ATOSA: variants seen among roughly 807,000 people sequenced by gnomAD.
ATOSA encodes the protein atos homolog A, also known as atos homolog protein A.
chr15:52,663,323 A>G, the ATOSA span, among the ~76,000 whole-genome samples: 2 of 152,230 alleles, frequency 1.3e-5, no homozygotes, highest in Admixed American at 6.5e-5. Context: ...ATCATTCCCT[A>G]TGACCTTTGA....
the ATOSA span, among the ~76,000 whole-genome samples, chr15:52,695,019 G>A: frequency 1.3e-5 from 2 of 151,668 alleles, no homozygotes; most frequent in Admixed American, 6.6e-5. Flanking sequence ...CCACCTCCTG[G>A]GTTCAGGCAA....
At chr15:52,706,571 A>G in the ATOSA span, among the ~76,000 whole-genome samples, 65 of 152,208 alleles carry the variant, frequency 4.3e-4, no homozygotes, top group African/African-American at 1.5e-3. Flanking sequence ...AAATGTTCCA[A>G]AAAAGTGATA....
At chr15:52,688,919 G>A in the ATOSA span, among the ~76,000 whole-genome samples, 1 of 152,238 alleles carries the variant, frequency 6.6e-6, no homozygotes, top group South Asian at 2.1e-4. Context: ...ACAGATGGAG[G>A]AAGGTAGCCT....
At chr15:52,637,265 G>T in the ATOSA span, among the ~76,000 whole-genome samples, 6 of 152,092 alleles carry the variant, frequency 3.9e-5, no homozygotes, top group African/African-American at 1.4e-4. Context: ...GAAATCTTCT[G>T]TTCTATGGCA....
At chr15:52,613,910 A>T in the ATOSA span, 1 of 1,450,022 alleles carries the variant, frequency 6.9e-7, no homozygotes, top group Non-Finnish European at 9.6e-7. Context: ...CTTAGTAAGA[A>T]CTCATCTGGT....
the ATOSA span, among the ~76,000 whole-genome samples, chr15:52,698,060 TC>T: frequency 7.8e-6 from 1 of 128,588 alleles, no homozygotes; most frequent in Non-Finnish European, 1.6e-5. Context: ...TACTGCAACC[TC>T]CACCTCCCGG....
At chr15:52,662,927 CAGTA>C in the ATOSA span, among the ~76,000 whole-genome samples, 1 of 151,956 alleles carries the variant, frequency 6.6e-6, no homozygotes, top group Non-Finnish European at 1.5e-5. Flanking sequence ...AATTAGCTAA[CAGTA>C]GATGCATGTT....
the ATOSA span, among the ~76,000 whole-genome samples, chr15:52,623,739 G>A: frequency 4.6e-5 from 7 of 152,094 alleles, no homozygotes; most frequent in East Asian, 1.9e-4. Context: ...TGGTGATGAT[G>A]GAAGATAAGA....
chr15:52,608,775 T>C, the ATOSA span: 1 of 1,606,728 alleles, frequency 6.2e-7, no homozygotes, highest in Non-Finnish European at 8.5e-7. Flanking sequence ...TTTGCTCACA[T>C]GTCTTAGGCC....
the ATOSA span, chr15:52,613,548 C>G: frequency 8.5e-7 from 1 of 1,183,024 alleles, no homozygotes; most frequent in Non-Finnish European, 1.2e-6. Flanking sequence ...TGGATTTTTT[C>G]CCTTTATGAT....
At chr15:52,692,327 C>T in the ATOSA span, among the ~76,000 whole-genome samples, 2 of 152,160 alleles carry the variant, frequency 1.3e-5, no homozygotes, top group Non-Finnish European at 2.9e-5. Context: ...ATTTAATATT[C>T]ATTCCTAGTA....
At chr15:52,655,084 A>G in the ATOSA span, among the ~76,000 whole-genome samples, 4 of 152,168 alleles carry the variant, frequency 2.6e-5, no homozygotes, top group Non-Finnish European at 5.9e-5. Flanking sequence ...CCAAGTAACT[A>G]GAACCAAGTG....
the ATOSA span, among the ~76,000 whole-genome samples, chr15:52,675,630 C>A: frequency 1.3e-5 from 2 of 152,148 alleles, no homozygotes; most frequent in African/African-American, 4.8e-5. Context: ...AGTGTTAGGC[C>A]GGGCGCGGTG....
At chr15:52,682,434 G>A in the ATOSA span, among the ~76,000 whole-genome samples, 1 of 152,262 alleles carries the variant, frequency 6.6e-6, no homozygotes, top group South Asian at 2.1e-4. Context: ...GAGGTTTGAA[G>A]GTAGAAGACA....
the ATOSA span, among the ~76,000 whole-genome samples, chr15:52,696,442 C>T: frequency 6.6e-6 from 1 of 152,180 alleles, no homozygotes; most frequent in Admixed American, 6.5e-5. Flanking sequence ...TTCTTCCAGT[C>T]TATCCTATCA....
the ATOSA span, chr15:52,609,958 C>T: frequency 6.2e-7 from 1 of 1,612,878 alleles, no homozygotes; most frequent in Non-Finnish European, 8.5e-7. Flanking sequence ...ACCACTAAAG[C>T]CTAGAATATT....
the ATOSA span, among the ~76,000 whole-genome samples, chr15:52,620,083 T>G: frequency 6.6e-6 from 1 of 151,990 alleles, no homozygotes; most frequent in Non-Finnish European, 1.5e-5. Context: ...GGTTCTGGAG[T>G]GTAGCAGCTT....
the ATOSA span, among the ~76,000 whole-genome samples, chr15:52,664,499 G>A: frequency 3.9e-5 from 6 of 152,082 alleles, no homozygotes; most frequent in South Asian, 2.1e-4. Context: ...ACAGATTTCC[G>A]GGCAATTAAG....
chr15:52,594,721 CACT>C, the ATOSA span, among the ~76,000 whole-genome samples: 1 of 152,186 alleles, frequency 6.6e-6, no homozygotes, highest in Non-Finnish European at 1.5e-5. Flanking sequence ...TTTCCATCCC[CACT>C]ACTACCACTA....
Sources: gnomAD v4.1 joint callset for allele counts (sites outside exome capture counted in the v4.1 genomes callset) on GRCh38, gnomAD v4.1.1 for gene constraint, MANE v1.5 for transcripts, NCBI Gene and HGNC (gene_info 2026-07-23, HGNC 2026-07-21) for gene names.